ANXA6: variants seen among roughly 807,000 people sequenced by gnomAD.
The protein encoded by ANXA6 is annexin A6.
In ANXA6, 71 loss-of-function variants were observed where a neutral mutation model predicts 95.4. The observed-to-expected ratio is 0.74, with a 90% CI of 0.61 to 0.91. The LOEUF (loss-of-function observed/expected upper bound fraction) is 0.91. Ranked by LOEUF, ANXA6 falls within the 40% of genes least tolerant of loss-of-function variation. ANXA6 has a pLI of 0.00. For synonymous variants in ANXA6, 289 were observed against 315.9 expected (o/e 0.91, Z 0.90); for missense variants, 830 against 876.4 (o/e 0.95, Z 0.67).
chr5:151,107,438 T>C (rs1462617750), intron 23 of ANXA6, among the ~76,000 whole-genome samples: 1 of 152,190 alleles, frequency 6.6e-6, no homozygotes, highest in Non-Finnish European at 1.5e-5. Flanking sequence ...CGTCGGGCTA[T>C]CCCGCCTCCT....
intron 3 of ANXA6, among the ~76,000 whole-genome samples, chr5:151,139,715 G>A (rs1334726335): frequency 6.6e-6 from 1 of 152,202 alleles, no homozygotes; most frequent in Non-Finnish European, 1.5e-5. Flanking sequence ...GGCCCAGAGA[G>A]GGGCAAGAAC....
chr5:151,108,920 C>T (rs897542244), intron 22 of ANXA6, among the ~76,000 whole-genome samples: 4 of 152,192 alleles, frequency 2.6e-5, no homozygotes, highest in Admixed American at 2.0e-4. Context: ...TCCTGGGCCT[C>T]CTCTTCCTCC....
At chr5:151,136,207 A>G in intron 7 of ANXA6, 49 bp downstream of exon 7, 1 of 1,590,648 alleles carries the variant, frequency 6.3e-7, no homozygotes. Context: ...GATGAGCCAG[A>G]CAAAAGCTAT....
rs367724843 is a variant in ANXA6, at chr5:151,138,741, C to T, written c.255G>A (p.Leu85=). ...CAGGTGGCCTCATCAGGCCCACAAT[C>T]AACCGTTCAAACTTGCCCGTCAATT... is the stretch of plus-strand genomic sequence containing the variant. The part of the protein sequence containing the change: ...KYELTGKFER[L]IVGLMRPPAY... The change falls in exon 5 of 26, where the codon TTG becomes TTA. Residue 85 remains leucine, a synonymous_variant. Coordinates refer to ENST00000354546, the MANE Select transcript of ANXA6 (RefSeq NM_001155.5). 164 of 1,613,976 alleles carry T rather than the reference C, an allele frequency of 1.0e-4. 1 individual carries two copies. Among genetic ancestry groups the T allele is most frequent in the Middle Eastern group, 9.9e-4 (6 of 6,062 alleles).
At chr5:151,141,242 G>A (rs997894101) in intron 2 of ANXA6, among the ~76,000 whole-genome samples, 2 of 152,214 alleles carry the variant, frequency 1.3e-5, no homozygotes. Flanking sequence ...AGTGGAGGAT[G>A]CCAGAGCCTG....
chr5:151,151,485 C>G (rs1027135829), intron 1 of ANXA6: 1 of 152,190 alleles, frequency 6.6e-6, no homozygotes. Context: ...AGTCCCCACA[C>G]AACTGTGGGT....
At position 151,117,177 on chromosome 5, in the gene ANXA6, G is replaced by A; in HGVS notation, c.1522C>T (p.His508Tyr). ...AGGTTTTCTCCTCCCTCCTCACGAT[G>A]CCCCTGCAGCAGGAGCAGCAAGAAA... Reference protein sequence around the residue: ...RRILISLATGHREEGGENLDQ... With the variant: ...RRILISLATGYREEGGENLDQ... Residue 508 changes from histidine (H) to tyrosine (Y), a missense_variant, in exon 20 of 26, where the codon CAT (histidine) becomes TAT (tyrosine). By Grantham distance (83) the His-to-Tyr change is moderately conservative. Coordinates refer to ENST00000354546, the MANE Select transcript of ANXA6 (RefSeq NM_001155.5). The A allele has an allele frequency of 1.9e-6, 3 of 1,590,016 alleles. No individual in the cohort carries two copies. The highest frequency in any genetic ancestry group is 2.6e-6 in the Non-Finnish European group (3 of 1,166,052).
chr5:151,124,320 A>T lies in ANXA6; in HGVS notation c.1104T>A (p.Asp368Glu). Reference protein sequence around the residue: ...RPANDFNPDADAKALRKAMKG... With the variant: ...RPANDFNPDAEAKALRKAMKG... The stretch of plus-strand genomic sequence containing the variant: ...TCATGGCTTTCCGCAGCGCTTTGGC[A>T]TCTGCGTCAGGGTTGAAGTCATTGG... The change falls in exon 15 of 26, where the codon GAT becomes GAA. Residue 368 changes from aspartate to glutamate, a missense_variant. Physicochemically the swap from Asp to Glu is conservative, Grantham distance 45. Coordinates refer to ENST00000354546, the MANE Select transcript of ANXA6 (RefSeq NM_001155.5). 1 of 1,613,598 alleles carries T rather than the reference A, an allele frequency of 6.2e-7. No individual in the cohort carries two copies.
chr5:151,111,384 T>G (rs1764843862), intron 20 of ANXA6, among the ~76,000 whole-genome samples: 1 of 152,216 alleles, frequency 6.6e-6, no homozygotes, highest in Non-Finnish European at 1.5e-5. Flanking sequence ...GACTTTATTC[T>G]ATTGGATAGA....
rs193146138 is a variant in ANXA6 at position 151,114,570 on chromosome 5, C to A, written c.1572+2557G>T. On this transcript the variant is annotated intron_variant, in intron 20 of 25. Transcript: ENST00000354546. ...CAGACGTTGCAGTGAGCCAAGATTG[C>A]GCCACCGCACTCCAGCCTGGGCAAC... 1.4e-3 allele frequency among the ~76,000 whole-genome samples: 191 copies of A among 138,796 alleles called. 1 individual carries two copies. Among genetic ancestry groups the A allele is most frequent in the African/African-American group, 4.8e-3 (180 of 37,610 alleles). The allele number at this position is 138,796 out of a possible 152,430, so 91.1% of individuals were successfully genotyped here.
intron 6 of ANXA6, 88 bp from the exon 7 acceptor site, chr5:151,136,423 A>G: frequency 7.6e-7 from 1 of 1,317,040 alleles, no homozygotes; most frequent in Non-Finnish European, 1.1e-6. Context: ...AAATGATCAG[A>G]TATTTTTAAG....
chr5:151,140,736 T>G (rs1765812153), intron 2 of ANXA6, among the ~76,000 whole-genome samples: 1 of 152,162 alleles, frequency 6.6e-6, no homozygotes, highest in Non-Finnish European at 1.5e-5. Context: ...CAGCCCCTCA[T>G]ATTTTTATGG....
intron 18 of ANXA6, among the ~76,000 whole-genome samples, chr5:151,119,030 C>T (rs1370887529): frequency 2.0e-5 from 3 of 152,214 alleles, no homozygotes; most frequent in South Asian, 2.1e-4. Flanking sequence ...CTACACACCC[C>T]TAGAGTCGCC....
At chr5:151,108,802 G>C (rs1248383012) in intron 22 of ANXA6, among the ~76,000 whole-genome samples, 1 of 152,216 alleles carries the variant, frequency 6.6e-6, no homozygotes, top group African/African-American at 2.4e-5. Flanking sequence ...AATGGTCTTA[G>C]AACCTCGGCC....
intron 14 of ANXA6, among the ~76,000 whole-genome samples, chr5:151,125,076 G>C (rs980614396): frequency 6.6e-6 from 1 of 152,200 alleles, no homozygotes; most frequent in African/African-American, 2.4e-5. Context: ...GATTAATGAG[G>C]CTTGGCACAA....
At chr5:151,143,653 C>T (rs1248441002) in intron 2 of ANXA6, among the ~76,000 whole-genome samples, 4 of 152,196 alleles carry the variant, frequency 2.6e-5, no homozygotes. Flanking sequence ...CAGCATGGGA[C>T]CCAGGAAATA....
At chr5:151,127,910 G>A (rs1487236887) in intron 13 of ANXA6, among the ~76,000 whole-genome samples, 2 of 152,072 alleles carry the variant, frequency 1.3e-5, no homozygotes, top group African/African-American at 4.8e-5. Flanking sequence ...CTGGTTCCTA[G>A]TCCACAACCC....
intron 17 of ANXA6, among the ~76,000 whole-genome samples, chr5:151,120,123 G>A (rs1239476289): frequency 6.6e-6 from 1 of 152,118 alleles, no homozygotes; most frequent in Non-Finnish European, 1.5e-5. Flanking sequence ...CAAGCCCAAA[G>A]TTTTAGGAAT....
intron 1 of ANXA6, among the ~76,000 whole-genome samples, chr5:151,152,007 C>T (rs938841264): frequency 1.1e-4 from 17 of 152,188 alleles, no homozygotes; most frequent in Admixed American, 9.2e-4. Context: ...CAATCAATCA[C>T]GTTTTCCTCC....
Sources: gnomAD v4.1 joint callset for allele counts (sites outside exome capture counted in the v4.1 genomes callset) on GRCh38, gnomAD v4.1.1 for gene constraint, MANE v1.5 for transcripts, NCBI Gene and HGNC (gene_info 2026-07-23, HGNC 2026-07-21) for gene names.